The following TAF2 variants were observed in gnomAD, a reference collection of about 807,000 sequenced individuals.
TAF2 encodes the protein TATA-box binding protein associated factor 2.
A neutral mutation model predicts 138.5 loss-of-function variants in TAF2; 61 were observed. The observed-to-expected ratio is 0.44, with a 90% CI of 0.36 to 0.54. The LOEUF (loss-of-function observed/expected upper bound fraction) is 0.54. Ranked by LOEUF, TAF2 falls within the 20% of genes least tolerant of loss-of-function variation. TAF2 has a pLI of 0.00. For synonymous variants in TAF2, 475 were observed against 469.9 expected (o/e 1.01, Z -0.14); for missense variants, 1,090 against 1,427.9 (o/e 0.76, Z 3.81).
rs752682626 is a variant in TAF2, at chr8:119,802,044, G to A, written c.561-19C>T. The A allele has an allele frequency of 6.3e-7, 1 of 1,584,534 alleles. No individual in the cohort carries two copies. Among genetic ancestry groups the A allele is most frequent in the Non-Finnish European group, 8.6e-7 (1 of 1,156,280 alleles). ...CCAAAATCTAGAAAAAAGATTGACA[G>A]TATAGAAAATGTATTCAAAGAGTTC... On this transcript the variant is annotated intron_variant, in intron 5 of 25. Coordinates refer to ENST00000378164, the MANE Select transcript of TAF2 (RefSeq NM_003184.4).
At chr8:119,828,604 G>GA (rs1211545284) in intron 2 of TAF2, among the ~76,000 whole-genome samples, 3 of 152,170 alleles carry the variant, frequency 2.0e-5, no homozygotes, top group African/African-American at 7.2e-5. Context: ...GAAGGAAAAG[G>GA]AAACACCGAA....
At chr8:119,766,032 T>C (rs1475443279) in intron 18 of TAF2, among the ~76,000 whole-genome samples, 1 of 152,194 alleles carries the variant, frequency 6.6e-6, no homozygotes, top group Non-Finnish European at 1.5e-5. Flanking sequence ...GTATCACAGC[T>C]GCTGAAAGGA....
At chr8:119,793,733 C>T (rs1320584575) in intron 9 of TAF2, among the ~76,000 whole-genome samples, 2 of 152,172 alleles carry the variant, frequency 1.3e-5, no homozygotes, top group African/African-American at 2.4e-5. Flanking sequence ...TCTCTCTGAG[C>T]TGTCTCCAAG....
At chr8:119,808,394 C>A (rs948435585) in intron 3 of TAF2, among the ~76,000 whole-genome samples, 1 of 152,190 alleles carries the variant, frequency 6.6e-6, no homozygotes, top group Non-Finnish European at 1.5e-5. Flanking sequence ...AGTTTCATTG[C>A]TATTTCTACC....
intron 18 of TAF2, chr8:119,762,816 T>G: frequency 2.3e-6 from 1 of 439,484 alleles, no homozygotes; most frequent in Non-Finnish European, 4.0e-6. Flanking sequence ...ATTAGTTTAC[T>G]GATGGAAAAC....
At chr8:119,810,494 T>C (rs1403467283) in intron 3 of TAF2, among the ~76,000 whole-genome samples, 1 of 152,222 alleles carries the variant, frequency 6.6e-6, no homozygotes, top group Non-Finnish European at 1.5e-5. Context: ...GCTTCATCTC[T>C]GTAGTACAAA....
chr8:119,775,441 G>A (rs750742850), intron 18 of TAF2, among the ~76,000 whole-genome samples: 2 of 151,960 alleles, frequency 1.3e-5, no homozygotes, highest in Non-Finnish European at 2.9e-5. Flanking sequence ...GGTGGCTCAC[G>A]CCTGTAATCC....
chr8:119,772,876 G>T (rs1821945991), intron 18 of TAF2, among the ~76,000 whole-genome samples: 1 of 151,320 alleles, frequency 6.6e-6, no homozygotes. Flanking sequence ...GGTGGAGGTT[G>T]CAGTGAGCCG....
intron 18 of TAF2, among the ~76,000 whole-genome samples, chr8:119,765,298 GA>G (rs557882368): frequency 2.6e-5 from 4 of 151,812 alleles, no homozygotes; most frequent in Non-Finnish European, 5.9e-5. Context: ...AAGCAAAACA[GA>G]AAAAAGAGTA....
chr8:119,825,559 C>A (rs1018221601), intron 2 of TAF2, among the ~76,000 whole-genome samples: 2 of 152,176 alleles, frequency 1.3e-5, no homozygotes, highest in African/African-American at 4.8e-5. Flanking sequence ...TGTGTCCCCA[C>A]CCAAATCTCA....
intron 18 of TAF2, among the ~76,000 whole-genome samples, chr8:119,772,228 T>A (rs1821892699): frequency 6.6e-6 from 1 of 152,064 alleles, no homozygotes; most frequent in Admixed American, 6.5e-5. Context: ...AAAAGAGAGA[T>A]CTCAAATTAA....
At chr8:119,807,183 A>C (rs997922641) in intron 3 of TAF2, among the ~76,000 whole-genome samples, 5 of 152,236 alleles carry the variant, frequency 3.3e-5, no homozygotes, top group Middle Eastern at 3.2e-3. Flanking sequence ...CCATTAGTGC[A>C]TCATAATGTA....
In TAF2 at chr8:119,758,162, T is replaced by A. The variant is rs770114326; in HGVS notation, c.2699-20A>T. The stretch of plus-strand genomic sequence containing the variant: ...TGTCCACTGAAAATAAAAGAAAATA[T>A]ATTTGTTGTTAATTATAACAAATTA... On this transcript the variant is annotated intron_variant, in intron 20 of 25. Coordinates refer to ENST00000378164, the MANE Select transcript of TAF2 (RefSeq NM_003184.4). 1.3e-6 allele frequency: 2 copies of A among 1,574,038 alleles called. No homozygotes were observed. The highest frequency in any genetic ancestry group is 1.7e-6 in the Non-Finnish European group (2 of 1,146,372).
intron 16 of TAF2, among the ~76,000 whole-genome samples, 160 bp from the exon 17 acceptor site, chr8:119,781,353 C>G (rs1026262120): frequency 6.6e-6 from 1 of 152,082 alleles, no homozygotes; most frequent in Non-Finnish European, 1.5e-5. Flanking sequence ...TCACCATTTC[C>G]AAGAAATTAT....
intron 25 of TAF2, 107 bp from the exon 26 acceptor site, chr8:119,732,293 T>C: frequency 1.0e-6 from 1 of 971,264 alleles, no homozygotes; most frequent in South Asian, 1.3e-5. Context: ...CCTAAGTTTT[T>C]ATCACTTCTA....
intron 18 of TAF2, among the ~76,000 whole-genome samples, chr8:119,776,634 A>T (rs1822265096): frequency 6.6e-6 from 1 of 151,588 alleles, no homozygotes; most frequent in South Asian, 2.1e-4. Flanking sequence ...GCTTGCAGTG[A>T]GCCGAGATCG....
At chr8:119,803,561 G>T (rs1378415406) in intron 5 of TAF2, among the ~76,000 whole-genome samples, 1 of 151,858 alleles carries the variant, frequency 6.6e-6, no homozygotes, top group Admixed American at 6.6e-5. Context: ...GTGTAGTGGT[G>T]AATGCCTGTA....
chr8:119,829,044 A>G (rs930093056), intron 2 of TAF2, among the ~76,000 whole-genome samples: 1 of 152,224 alleles, frequency 6.6e-6, no homozygotes, highest in East Asian at 1.9e-4. Context: ...TAAGTTCCCC[A>G]TGTTAGGAGC....
intron 22 of TAF2, among the ~76,000 whole-genome samples, chr8:119,753,142 A>AT (rs1221145045): frequency 6.6e-6 from 1 of 152,218 alleles, no homozygotes; most frequent in African/African-American, 2.4e-5. Context: ...TCTTTCAACT[A>AT]TAACTATATA....
Sources: gnomAD v4.1 joint callset for allele counts (sites outside exome capture counted in the v4.1 genomes callset) on GRCh38, gnomAD v4.1.1 for gene constraint, MANE v1.5 for transcripts, NCBI Gene and HGNC (gene_info 2026-07-23, HGNC 2026-07-21) for gene names.